The following LIMA1 variants were observed in gnomAD, a reference collection of about 807,000 sequenced individuals.
LIMA1 encodes the protein LIM domain and actin-binding protein 1.
A neutral mutation model predicts 62.6 loss-of-function variants in LIMA1; 52 were observed. The observed-to-expected ratio is 0.83, with a 90% CI of 0.67 to 1.05. The LOEUF is 1.05. Among genes scored for constraint, LIMA1 ranks in the 50% least tolerant of loss-of-function variants. The probability of loss-of-function intolerance (pLI) is 0.00; values close to 1 mark genes in which losing one functional copy is unlikely to be tolerated. For missense variants in LIMA1, 780 were observed against 902.2 expected (o/e 0.86, Z 1.74); for synonymous variants, 302 against 317.8 (o/e 0.95, Z 0.53).
chr12:50,184,917 C>T lies in LIMA1; in HGVS notation c.1141-2880G>A, dbSNP rs551114181. On this transcript the variant is annotated intron_variant, in intron 9 of 10. Coordinates refer to ENST00000341247, the MANE Select transcript of LIMA1 (RefSeq NM_016357.5). ...CGCGATCTCAGCTCACTGCAAGCTC[C>T]ACCTTCCGGGTTCAAGCGATTCTCC... Among the ~76,000 whole-genome samples, 3 of 152,172 alleles carry T rather than the reference C, an allele frequency of 2.0e-5. No individual in the cohort carries two copies. In the East Asian group the frequency reaches 5.8e-4, roughly 29 times the overall value.
chr12:50,236,859 C>A (rs1941703866), intron 2 of LIMA1, among the ~76,000 whole-genome samples: 1 of 152,110 alleles, frequency 6.6e-6, no homozygotes. Context: ...GATAGGATTG[C>A]TTGAGGTCAG....
At chr12:50,272,140 T>C (rs915615672) in intron 1 of LIMA1, among the ~76,000 whole-genome samples, 1 of 152,142 alleles carries the variant, frequency 6.6e-6, no homozygotes, top group African/African-American at 2.4e-5. Flanking sequence ...TCCATTCTTA[T>C]CTGAAATTTT....
intron 1 of LIMA1, among the ~76,000 whole-genome samples, chr12:50,272,911 G>A (rs1474117784): frequency 6.7e-6 from 1 of 150,286 alleles, no homozygotes; most frequent in South Asian, 2.1e-4. Context: ...TTAGCCGGGC[G>A]TTGTGGCGGG....
chr12:50,254,893 C>T (rs1310167730), intron 1 of LIMA1, among the ~76,000 whole-genome samples: 1 of 151,980 alleles, frequency 6.6e-6, no homozygotes, highest in African/African-American at 2.4e-5. Flanking sequence ...AACCCTGTCT[C>T]TACTAAAAAT....
At chr12:50,212,473 TAGAA>T (rs1266746973) in intron 4 of LIMA1, among the ~76,000 whole-genome samples, 2 of 152,174 alleles carry the variant, frequency 1.3e-5, no homozygotes, top group Non-Finnish European at 2.9e-5. Flanking sequence ...GGGACTCTCT[TAGAA>T]AGAGAGTTAA....
At chr12:50,178,954 A>G (rs1940419389) in intron 10 of LIMA1, among the ~76,000 whole-genome samples, 1 of 102,348 alleles carries the variant, frequency 9.8e-6, no homozygotes, top group Non-Finnish European at 1.9e-5. Context: ...ATAAATACAT[A>G]TATATATATA....
intron 1 of LIMA1, among the ~76,000 whole-genome samples, chr12:50,259,174 T>C (rs1160671449): frequency 6.6e-6 from 1 of 152,168 alleles, no homozygotes; most frequent in African/African-American, 2.4e-5. Flanking sequence ...TTTCACTCCA[T>C]TTGAAATGTT....
At chr12:50,245,430 A>G (rs1230816962) in intron 2 of LIMA1, among the ~76,000 whole-genome samples, 4 of 146,628 alleles carry the variant, frequency 2.7e-5, no homozygotes. Context: ...AAAAAAAAAG[A>G]GAGAGAGAGA....
chr12:50,204,314 A>C (rs1436415678), intron 6 of LIMA1: 1 of 404,424 alleles, frequency 2.5e-6, no homozygotes, highest in East Asian at 3.5e-5. Context: ...AATGATACTC[A>C]CTGGTAACAT....
In LIMA1 at chr12:50,261,042, A is replaced by ATTTTTTTTTTTTTT. The variant is rs71083524; in HGVS notation, c.-23-12282_-23-12269dup. On this transcript the variant is annotated intron_variant, in intron 1 of 10. Coordinates refer to ENST00000341247, the MANE Select transcript of LIMA1 (RefSeq NM_016357.5). ...CTTTTGCTTTTCTGCCATCTAGTAT[A>ATTTTTTTTTTTTTT]TTTTTTTTTTTTTTTTTTTTTTTTT... Among the ~76,000 whole-genome samples the ATTTTTTTTTTTTTT allele has an allele frequency of 1.6e-3, 86 of 54,272 alleles. 19 individuals carry two copies. The highest frequency in any genetic ancestry group is 0.014 in the East Asian group (12 of 872). The allele number at this position is 54,272 out of a possible 152,430, so 35.6% of individuals were successfully genotyped here. A position where few individuals can be genotyped will look rare whatever the true frequency, so the allele number is the denominator to read the frequency against.
chr12:50,234,057 ATT>A (rs1473435451), intron 2 of LIMA1: 2 of 443,268 alleles, frequency 4.5e-6, no homozygotes, highest in African/African-American at 4.2e-5. Flanking sequence ...TACTTTTATC[ATT>A]TTGTCATTTT....
At chr12:50,202,612 C>T (rs192121904) in intron 6 of LIMA1, among the ~76,000 whole-genome samples, 2 of 152,268 alleles carry the variant, frequency 1.3e-5, no homozygotes, top group East Asian at 3.9e-4. Flanking sequence ...CTCCACTTTG[C>T]TAATTGATTT....
intron 9 of LIMA1, chr12:50,187,108 T>G (rs1227679099): frequency 6.6e-6 from 1 of 152,260 alleles, no homozygotes; most frequent in Non-Finnish European, 1.5e-5. Context: ...TCTTTCCCGT[T>G]TGAGGGATAT....
chr12:50,246,361 C>T (rs549721381), intron 2 of LIMA1, among the ~76,000 whole-genome samples: 2 of 151,968 alleles, frequency 1.3e-5, no homozygotes, highest in Non-Finnish European at 1.5e-5. Context: ...AGGGTAAGAA[C>T]GTGGAGAAGT....
intron 2 of LIMA1, among the ~76,000 whole-genome samples, chr12:50,234,684 G>A (rs1206773654): frequency 6.6e-6 from 1 of 151,996 alleles, no homozygotes; most frequent in African/African-American, 2.4e-5. Context: ...CAGAATTCAT[G>A]AGGCATTTGG....
intron 9 of LIMA1, among the ~76,000 whole-genome samples, chr12:50,183,053 T>G (rs1940540961): frequency 6.6e-6 from 1 of 151,750 alleles, no homozygotes; most frequent in African/African-American, 2.4e-5. Context: ...AATACAAAAA[T>G]TAGGCAGGCG....
chr12:50,231,299 T>A (rs907080795), intron 3 of LIMA1, among the ~76,000 whole-genome samples: 1 of 152,206 alleles, frequency 6.6e-6, no homozygotes, highest in Admixed American at 6.6e-5. Context: ...GCACAGCTAC[T>A]ACCATTTAAA....
chr12:50,196,853 A>C (rs1410747914), intron 7 of LIMA1, among the ~76,000 whole-genome samples: 3 of 152,178 alleles, frequency 2.0e-5, no homozygotes, highest in Non-Finnish European at 4.4e-5. Flanking sequence ...AACCGGTACA[A>C]TCACAGCCAG....
intron 1 of LIMA1, among the ~76,000 whole-genome samples, chr12:50,276,023 C>G (rs1334727211): frequency 3.3e-5 from 5 of 151,958 alleles, no homozygotes; most frequent in African/African-American, 7.3e-5. Flanking sequence ...TAACCACTGC[C>G]AGGTAATTCT....
Sources: gnomAD v4.1 joint callset for allele counts (sites outside exome capture counted in the v4.1 genomes callset) on GRCh38, gnomAD v4.1.1 for gene constraint, MANE v1.5 for transcripts, NCBI Gene and HGNC (gene_info 2026-07-23, HGNC 2026-07-21) for gene names.